The following SUPT3H variants were observed in gnomAD, a reference collection of about 807,000 sequenced individuals.
SUPT3H encodes the protein SPT3 homolog, SAGA and STAGA complex component, also known as transcription initiation protein SPT3 homolog.
In SUPT3H, 44 loss-of-function variants were observed where a neutral mutation model predicts 44.3. The observed-to-expected ratio is 0.99, with a 90% CI of 0.78 to 1.28. SUPT3H has a LOEUF of 1.28. Ranked by LOEUF, SUPT3H falls within the 50% of genes most tolerant of loss-of-function variation. SUPT3H has a pLI of 0.00. For missense variants in SUPT3H, 380 were observed against 387.1 expected, an observed-to-expected ratio of 0.98 and a Z score of 0.15; for synonymous variants, 124 against 125.6, an observed-to-expected ratio of 0.99 and a Z score of 0.09.
intron 6 of SUPT3H, among the ~76,000 whole-genome samples, chr6:44,979,014 T>C (rs1034076091): frequency 1.3e-5 from 2 of 152,220 alleles, no homozygotes; most frequent in African/African-American, 4.8e-5. Context: ...TTGGTGCCTT[T>C]TAGGTACATT....
At chr6:45,030,503 T>C (rs559255021) in intron 3 of SUPT3H, among the ~76,000 whole-genome samples, 10 of 152,310 alleles carry the variant, frequency 6.6e-5, no homozygotes, top group African/African-American at 1.9e-4. Flanking sequence ...CTTAGTTTTT[T>C]TCAGAACTCT....
intron 2 of SUPT3H, among the ~76,000 whole-genome samples, chr6:45,257,713 A>AC (rs1279142682): frequency 6.6e-6 from 1 of 152,146 alleles, no homozygotes; most frequent in East Asian, 1.9e-4. Context: ...GCAAGAGAGA[A>AC]CAAGAGGGAG....
chr6:45,176,854 G>A (rs1812023429), intron 2 of SUPT3H, among the ~76,000 whole-genome samples: 1 of 152,180 alleles, frequency 6.6e-6, no homozygotes, highest in Non-Finnish European at 1.5e-5. Context: ...CTGCAGCTGA[G>A]CGTCCTGTCT....
intron 2 of SUPT3H, among the ~76,000 whole-genome samples, chr6:45,230,686 A>ATATATATATATATATATT (rs796866510): frequency 1.5e-4 from 18 of 116,810 alleles, no homozygotes; most frequent in South Asian, 3.1e-4. Context: ...ATATATATAT[A>ATATATATATATATATATT]TTTTTGAGAT....
chr6:45,162,302 T>C (rs112580535), intron 2 of SUPT3H, among the ~76,000 whole-genome samples: 66 of 152,078 alleles, frequency 4.3e-4, no homozygotes, highest in Middle Eastern at 3.4e-3. Flanking sequence ...GCAGGGAGGA[T>C]TGCTTGAGGG....
rs747437628 is a variant in SUPT3H, at chr6:45,172,615, T to TG, written c.102-66610dup. On this transcript the variant is annotated intron_variant, in intron 2 of 10. Transcript: ENST00000371459. ...TATATTTTTTTTTTTTTTTTTGAAA[T>TG]GGAGTCTGCTCTGTTGCCCAGGCTG... is the stretch of plus-strand genomic sequence containing the variant. 1.5e-3 allele frequency among the ~76,000 whole-genome samples: 227 copies of TG among 147,272 alleles called. 2 individuals are homozygous for TG. Among genetic ancestry groups the TG allele is most frequent in the Non-Finnish European group, 2.6e-3 (175 of 66,928 alleles).
chr6:45,311,476 T>C (rs1271906296), intron 2 of SUPT3H, among the ~76,000 whole-genome samples: 2 of 152,084 alleles, frequency 1.3e-5, no homozygotes, highest in East Asian at 3.9e-4. Context: ...CCTGGGAAAT[T>C]CATCACAAAA....
chr6:45,057,414 A>G (rs1185498293), intron 3 of SUPT3H, among the ~76,000 whole-genome samples: 2 of 152,118 alleles, frequency 1.3e-5, no homozygotes, highest in African/African-American at 4.8e-5. Flanking sequence ...TTTCTTAAAA[A>G]AGAATTGGAA....
intron 2 of SUPT3H, among the ~76,000 whole-genome samples, chr6:45,209,408 A>G (rs544984197): frequency 6.6e-6 from 1 of 152,296 alleles, no homozygotes; most frequent in East Asian, 1.9e-4. Context: ...TATCAGCATC[A>G]ATAGGAGTTT....
chr6:44,901,773 G>C (rs1406498781), intron 10 of SUPT3H, among the ~76,000 whole-genome samples: 11 of 151,334 alleles, frequency 7.3e-5, no homozygotes, highest in Non-Finnish European at 1.3e-4. Flanking sequence ...CAGCCAGAGA[G>C]AAAGGTCGGG....
chr6:44,925,802 A>T (rs549760443), intron 10 of SUPT3H, among the ~76,000 whole-genome samples: 80 of 152,280 alleles, frequency 5.3e-4, no homozygotes, highest in Non-Finnish European at 9.7e-4. Flanking sequence ...TTTACTTCTA[A>T]CCCTGAACAA....
Position 45,370,188 on chromosome 6 carries a change from G to A in SUPT3H, c.1-4887C>T, listed in dbSNP as rs551137819. 2.6e-5 allele frequency among the ~76,000 whole-genome samples: 4 copies of A among 152,332 alleles called. No individual in the cohort carries two copies. In the East Asian group the frequency reaches 7.7e-4, roughly 29 times the overall value. On this transcript the variant is annotated intron_variant, in intron 1 of 10. Transcript: ENST00000371459. ...TATTGAGGTTGTGCAGACAAGAGATGACAGTGGGTTGAATTAGTTTAACAA... is the reference window on the plus strand; with the variant it reads ...TATTGAGGTTGTGCAGACAAGAGATAACAGTGGGTTGAATTAGTTTAACAA...
chr6:45,039,842 C>T (rs941464414), intron 3 of SUPT3H, among the ~76,000 whole-genome samples: 4 of 19,020 alleles, frequency 2.1e-4, no homozygotes, highest in African/African-American at 3.6e-4. Flanking sequence ...GACCTAATCA[C>T]AGCAAAAAAA....
chr6:45,217,524 T>C (rs755676625), intron 2 of SUPT3H, among the ~76,000 whole-genome samples: 14 of 151,786 alleles, frequency 9.2e-5, no homozygotes, highest in Non-Finnish European at 1.3e-4. Context: ...ATCAGTAGAC[T>C]AGAATAAGTC....
intron 9 of SUPT3H, among the ~76,000 whole-genome samples, chr6:44,936,403 T>A (rs1771425551): frequency 6.6e-6 from 1 of 152,230 alleles, no homozygotes; most frequent in African/African-American, 2.4e-5. Flanking sequence ...ATGCATAGAT[T>A]AGAGTGGTAA....
At chr6:45,145,331 T>A (rs1378272510) in intron 2 of SUPT3H, among the ~76,000 whole-genome samples, 1 of 152,044 alleles carries the variant, frequency 6.6e-6, no homozygotes, top group Non-Finnish European at 1.5e-5. Flanking sequence ...CATAGAGCAA[T>A]AGAACAGAAC....
intron 9 of SUPT3H, 108 bp downstream of exon 9, chr6:44,953,202 T>C: frequency 1.2e-6 from 1 of 808,606 alleles, no homozygotes; most frequent in Admixed American, 2.3e-5. Flanking sequence ...ATTCTTTGAC[T>C]GAAGGTTATA....
At chr6:45,112,903 T>C (rs1017215807) in intron 2 of SUPT3H, among the ~76,000 whole-genome samples, 1 of 151,996 alleles carries the variant, frequency 6.6e-6, no homozygotes, top group African/African-American at 2.4e-5. Flanking sequence ...GACTCTAATG[T>C]GGTTAAATCA....
At chr6:45,285,629 G>A (rs1327922287) in intron 2 of SUPT3H, among the ~76,000 whole-genome samples, 1 of 152,106 alleles carries the variant, frequency 6.6e-6, no homozygotes, top group African/African-American at 2.4e-5. Context: ...CCATGCTCAT[G>A]GGTAGGAAGA....
Sources: allele counts gnomAD v4.1 joint callset (sites outside exome capture counted in the v4.1 genomes callset), GRCh38; gene constraint gnomAD v4.1.1; transcripts MANE v1.5; gene names NCBI Gene and HGNC (gene_info 2026-07-23, HGNC 2026-07-21).